Variants in PSAT1 observed in about 807,000 individuals in gnomAD.
The protein encoded by PSAT1 is phosphoserine aminotransferase 1.
In PSAT1, 41 loss-of-function variants were observed where a neutral mutation model predicts 40.3. The ratio of observed to expected loss-of-function variants is 1.02; its 90% CI spans 0.79 to 1.32. PSAT1 has a LOEUF of 1.32. Among genes scored for constraint, PSAT1 ranks in the 40% most tolerant of loss-of-function variants. PSAT1 has a pLI of 0.00. For synonymous variants in PSAT1, 147 were observed against 170.5 expected, an observed-to-expected ratio of 0.86 and a Z score of 1.07; for missense variants, 406 against 455.8, an observed-to-expected ratio of 0.89 and a Z score of 0.99.
In PSAT1 at chr9:78,306,302, C is replaced by A; in HGVS notation, c.398-12C>A. On this transcript the variant is annotated splice_polypyrimidine_tract_variant and intron_variant, in intron 4 of 8. Transcript: ENST00000376588. ...GAAAAGTGCAAAGTCTCAAACTTGT[C>A]TTCTGTGATAGAAATTCCAGATCCA... 1 of 1,612,046 alleles carries A rather than the reference C, an allele frequency of 6.2e-7. No individual in the cohort carries two copies. The highest frequency in any genetic ancestry group is 2.2e-5 in the East Asian group (1 of 44,884).
At chr9:78,327,856 C>A (rs1828523692) in intron 7 of PSAT1, among the ~76,000 whole-genome samples, 195 bp from the exon 8 acceptor site, 1 of 152,118 alleles carries the variant, frequency 6.6e-6, no homozygotes, top group Non-Finnish European at 1.5e-5. Flanking sequence ...GGGATGATAA[C>A]CCACTGTTCC....
intron 7 of PSAT1, among the ~76,000 whole-genome samples, chr9:78,318,706 A>G (rs1255739802): frequency 3.3e-5 from 5 of 152,336 alleles, no homozygotes; most frequent in African/African-American, 1.2e-4. Flanking sequence ...GGGCCTGTCC[A>G]GATAATCCAG....
At chr9:78,312,939 C>G (rs1268009180) in intron 6 of PSAT1, among the ~76,000 whole-genome samples, 1 of 152,228 alleles carries the variant, frequency 6.6e-6, no homozygotes, top group African/African-American at 2.4e-5. Context: ...ATAACATCAA[C>G]TTCAGAACCT....
At chr9:78,297,637 G>T (rs542832489) in intron 1 of PSAT1, among the ~76,000 whole-genome samples, 7 of 152,344 alleles carry the variant, frequency 4.6e-5, no homozygotes, top group African/African-American at 1.7e-4. Flanking sequence ...AAAAGAAAAA[G>T]CTCTGATCTC....
At chr9:78,328,233 G>C (rs775483432) in intron 8 of PSAT1, 45 bp downstream of exon 8, 21 of 1,612,816 alleles carry the variant, frequency 1.3e-5, no homozygotes, top group Non-Finnish European at 1.7e-5. Context: ...AATTAGCTTA[G>C]TTTTTCAAAT....
At chr9:78,326,957 T>TATA (rs1237443160) in intron 7 of PSAT1, among the ~76,000 whole-genome samples, 53 of 59,224 alleles carry the variant, frequency 8.9e-4, no homozygotes, top group East Asian at 5.6e-3. Flanking sequence ...ATATATATAT[T>TATA]TTTTTTTTTT....
At chr9:78,316,074 G>A (rs528471614) in intron 6 of PSAT1, among the ~76,000 whole-genome samples, 3 of 152,286 alleles carry the variant, frequency 2.0e-5, no homozygotes, top group Non-Finnish European at 2.9e-5. Context: ...CTGAGTACAC[G>A]TGGAGCCTTT....
intron 6 of PSAT1, among the ~76,000 whole-genome samples, chr9:78,310,968 G>A (rs989632201): frequency 1.3e-5 from 2 of 152,206 alleles, no homozygotes; most frequent in African/African-American, 4.8e-5. Flanking sequence ...ACACGATGCA[G>A]AGCAGCAGCT....
intron 6 of PSAT1, 124 bp from the exon 7 acceptor site, chr9:78,317,552 T>A (rs1172598039): frequency 8.5e-7 from 1 of 1,181,170 alleles, no homozygotes; most frequent in East Asian, 2.3e-5. Flanking sequence ...CATTTGACTA[T>A]CTTGTCTATT....
chr9:78,327,476 C>G (rs780449904), intron 7 of PSAT1, among the ~76,000 whole-genome samples: 3 of 152,160 alleles, frequency 2.0e-5, no homozygotes, highest in Admixed American at 1.3e-4. Flanking sequence ...ATGCTTACAA[C>G]AACTTGAGGT....
intron 7 of PSAT1, among the ~76,000 whole-genome samples, chr9:78,322,443 G>T (rs567080943): frequency 6.6e-6 from 1 of 152,206 alleles, no homozygotes; most frequent in Non-Finnish European, 1.5e-5. Flanking sequence ...GAACATGGGG[G>T]TGGAAGGCTC....
chr9:78,305,952 C>T (rs552529512), intron 4 of PSAT1, among the ~76,000 whole-genome samples: 35 of 152,296 alleles, frequency 2.3e-4, no homozygotes, highest in African/African-American at 7.5e-4. Flanking sequence ...AGTGGCTCTT[C>T]ACAGGCAGGA....
At chr9:78,300,517 T>C (rs962066302) in intron 1 of PSAT1, 85 bp from the exon 2 acceptor site, 2 of 1,504,450 alleles carry the variant, frequency 1.3e-6, no homozygotes, top group Admixed American at 4.6e-5. Flanking sequence ...GACCCTTCCT[T>C]GTCCCCTCGT....
chr9:78,328,832 CTG>C (rs1440463792), intron 8 of PSAT1, 147 bp from the exon 9 acceptor site: 2 of 699,100 alleles, frequency 2.9e-6, no homozygotes, highest in African/African-American at 3.5e-5. Context: ...GTGTGAAGCT[CTG>C]TGCCAGGTGT....
chr9:78,304,705 G>T, intron 3 of PSAT1, 30 bp from the exon 4 acceptor site: 1 of 1,574,028 alleles, frequency 6.4e-7, no homozygotes, highest in South Asian at 1.1e-5. Context: ...ATGAGTTTAT[G>T]TATTGACTGT....
intron 6 of PSAT1, among the ~76,000 whole-genome samples, chr9:78,314,812 T>C (rs1828317183): frequency 6.6e-6 from 1 of 151,962 alleles, no homozygotes; most frequent in South Asian, 2.1e-4. Context: ...TGCTGCACTT[T>C]GGATTTAGAC....
chr9:78,320,373 C>T, intron 7 of PSAT1, among the ~76,000 whole-genome samples: 1 of 150,930 alleles, frequency 6.6e-6, no homozygotes. Context: ...CCCACCCATC[C>T]ATCCATTCAC....
chr9:78,329,092 T>C lies in PSAT1; in HGVS notation c.*6T>C, dbSNP rs1345650393. 6.3e-7 allele frequency: 1 copy of C among 1,590,236 alleles called. No homozygotes were observed. Among genetic ancestry groups the C allele is most frequent in the Non-Finnish European group, 8.6e-7 (1 of 1,159,962 alleles). On this transcript the variant is annotated 3_prime_UTR_variant, in exon 9 of 9. Coordinates refer to ENST00000376588, the MANE Select transcript of PSAT1 (RefSeq NM_058179.4). ...TGGAGATGCATCAGCTATGAACACA[T>C]CCTAACCAGGATATACTCTGTTCTT...
chr9:78,308,522 G>A lies in PSAT1; in HGVS notation c.679G>A (p.Val227Ile), dbSNP rs1366156594. Reference protein sequence around the residue: ...LGFALRECPSVLEYKVQAGNS... With the variant: ...LGFALRECPSILEYKVQAGNS... ...GTTTGCCCTCCGAGAGTGCCCCTCG[G>A]TCCTGGAATACAAGGTGCAGGCTGG... Residue 227 changes from valine (V) to isoleucine (I), a missense_variant, in exon 6 of 9, where the codon GTC becomes ATC. Physicochemically the swap from Val to Ile is conservative, Grantham distance 29. Transcript: ENST00000376588. 1 of 1,613,952 alleles carries A rather than the reference G, an allele frequency of 6.2e-7. No individual in the cohort carries two copies. The highest frequency in any genetic ancestry group is 8.5e-7 in the Non-Finnish European group (1 of 1,180,018).
Sources: allele counts gnomAD v4.1 joint callset (sites outside exome capture counted in the v4.1 genomes callset), GRCh38; gene constraint gnomAD v4.1.1; transcripts MANE v1.5; gene names NCBI Gene and HGNC (gene_info 2026-07-23, HGNC 2026-07-21).